Variants in IMMP2L observed in about 807,000 individuals in gnomAD.
IMMP2L encodes the protein inner mitochondrial membrane peptidase subunit 2.
A neutral mutation model predicts 19.3 loss-of-function variants in IMMP2L; 18 were observed. That is an observed-to-expected ratio of 0.93 (90% CI 0.64 to 1.38). The LOEUF (loss-of-function observed/expected upper bound fraction) is 1.38, where lower values mean the gene tolerates loss of function less well. IMMP2L is among the 40% of genes most tolerant of loss of function. IMMP2L has a pLI of 0.00. For synonymous variants in IMMP2L, 76 were observed against 73.0 expected (o/e 1.04, Z -0.21); for missense variants, 233 against 218.2 (o/e 1.07, Z -0.43).
intron 2 of IMMP2L, among the ~76,000 whole-genome samples, chr7:111,504,654 C>G (rs1167620843): frequency 1.3e-5 from 2 of 152,084 alleles, no homozygotes; most frequent in Non-Finnish European, 2.9e-5. Flanking sequence ...ACAGAGCCCT[C>G]AGAAATAATG....
chr7:111,005,176 G>A (rs1824160412), intron 3 of IMMP2L, among the ~76,000 whole-genome samples: 1 of 152,122 alleles, frequency 6.6e-6, no homozygotes, highest in African/African-American at 2.4e-5. Context: ...TTCCAAGATG[G>A]TGGTTCGATT....
At chr7:111,351,692 A>G (rs1828178993) in intron 3 of IMMP2L, among the ~76,000 whole-genome samples, 2 of 152,230 alleles carry the variant, frequency 1.3e-5, no homozygotes, top group Admixed American at 1.3e-4. Flanking sequence ...TCCAAAAACA[A>G]AAGGCACCCA....
intron 4 of IMMP2L, among the ~76,000 whole-genome samples, chr7:110,923,028 G>A (rs993006156): frequency 1.2e-4 from 19 of 152,250 alleles, no homozygotes; most frequent in Non-Finnish European, 2.1e-4. Context: ...TATGGCAGTT[G>A]CTGTGGTGAT....
At chr7:110,753,811 G>A (rs1008333285) in intron 5 of IMMP2L, among the ~76,000 whole-genome samples, 4 of 151,212 alleles carry the variant, frequency 2.6e-5, no homozygotes, top group Admixed American at 1.3e-4. Context: ...GACAAAATAG[G>A]GCGGGAATAT....
intron 4 of IMMP2L, among the ~76,000 whole-genome samples, chr7:110,907,706 A>G (rs1054204699): frequency 2.0e-5 from 3 of 152,224 alleles, no homozygotes; most frequent in Non-Finnish European, 2.9e-5. Flanking sequence ...GAGTTCATAT[A>G]TAAAAAATAC....
chr7:111,501,623 T>G (rs1363443345), intron 2 of IMMP2L, among the ~76,000 whole-genome samples: 4 of 152,146 alleles, frequency 2.6e-5, no homozygotes, highest in African/African-American at 9.7e-5. Flanking sequence ...ACAGCGGATC[T>G]CTCAGCAGAA....
At chr7:111,135,390 T>G (rs1802234971) in intron 3 of IMMP2L, among the ~76,000 whole-genome samples, 1 of 152,128 alleles carries the variant, frequency 6.6e-6, no homozygotes, top group Non-Finnish European at 1.5e-5. Context: ...TAAAAATATT[T>G]TCAGACAAAT....
chr7:111,385,602 C>T (rs1269052200), intron 3 of IMMP2L, among the ~76,000 whole-genome samples: 1 of 152,022 alleles, frequency 6.6e-6, no homozygotes, highest in African/African-American at 2.4e-5. Flanking sequence ...CTTTTTATTG[C>T]TGTTTTTAAA....
chr7:111,001,403 C>G (rs1049244412), intron 3 of IMMP2L, among the ~76,000 whole-genome samples: 1 of 151,830 alleles, frequency 6.6e-6, no homozygotes, highest in African/African-American at 2.4e-5. Context: ...GAAAGTGTGA[C>G]AAAAACAAAA....
At chr7:111,402,785 T>C (rs558786145) in intron 3 of IMMP2L, among the ~76,000 whole-genome samples, 11 of 152,144 alleles carry the variant, frequency 7.2e-5, no homozygotes, top group Non-Finnish European at 7.4e-5. Flanking sequence ...TTCAAGAATC[T>C]GCATATCTGT....
chr7:111,123,750 C>T lies in IMMP2L; in HGVS notation c.240-160185G>A. The T allele has an allele frequency of 6.2e-7, 1 of 1,613,860 alleles. No individual in the cohort carries two copies. Among genetic ancestry groups the T allele is most frequent in the Non-Finnish European group, 8.5e-7 (1 of 1,179,926 alleles). On this transcript the variant is annotated intron_variant, in intron 3 of 5. Transcript: ENST00000405709. The surrounding 1 kb of genome is among the most constrained non-coding windows in gnomAD (Gnocchi z 6.4). Reference sequence around the variant, plus strand: ...ACAACCCTAGATTGTCTTACATTCACCCCAATGCATTTTTCAGACTCCCCA... The same window carrying T: ...ACAACCCTAGATTGTCTTACATTCATCCCAATGCATTTTTCAGACTCCCCA...
chr7:111,369,858 A>G (rs1830108210), intron 3 of IMMP2L, among the ~76,000 whole-genome samples: 1 of 151,862 alleles, frequency 6.6e-6, no homozygotes, highest in South Asian at 2.1e-4. Context: ...CATGGCAGTC[A>G]TTATGCTAAA....
At chr7:111,092,003 A>G (rs1486058865) in intron 3 of IMMP2L, among the ~76,000 whole-genome samples, 4 of 152,188 alleles carry the variant, frequency 2.6e-5, no homozygotes, top group South Asian at 2.1e-4. Context: ...CAAATGGGGC[A>G]TTTTTATTTT....
chr7:110,978,851 CA>C (rs1820962786), intron 3 of IMMP2L, among the ~76,000 whole-genome samples: 1 of 151,880 alleles, frequency 6.6e-6, no homozygotes, highest in African/African-American at 2.4e-5. Context: ...AGTTGTATAC[CA>C]AAAACACGAA....
intron 3 of IMMP2L, among the ~76,000 whole-genome samples, chr7:111,017,411 A>G (rs1172634444): frequency 6.6e-6 from 1 of 152,014 alleles, no homozygotes; most frequent in African/African-American, 2.4e-5. Flanking sequence ...AGTAATGTCA[A>G]AAGTCTAGGA....
intron 1 of IMMP2L, among the ~76,000 whole-genome samples, chr7:111,521,665 G>A (rs1031243982): frequency 3.9e-5 from 6 of 152,080 alleles, no homozygotes; most frequent in African/African-American, 1.4e-4. Context: ...CACAACTCAA[G>A]TCCACTTGCT....
At chr7:111,447,765 G>T (rs953002010) in intron 3 of IMMP2L, among the ~76,000 whole-genome samples, 3 of 151,664 alleles carry the variant, frequency 2.0e-5, no homozygotes, top group African/African-American at 7.3e-5. Context: ...AGACTGGCAA[G>T]TTGGATAAAG....
chr7:110,829,738 C>G (rs1471920623), intron 5 of IMMP2L, among the ~76,000 whole-genome samples: 8 of 152,110 alleles, frequency 5.3e-5, no homozygotes, highest in Admixed American at 5.2e-4. Context: ...AGTTTTAGAA[C>G]TTGAAATCCT....
chr7:111,044,899 A>C (rs1792248123), intron 3 of IMMP2L, among the ~76,000 whole-genome samples: 1 of 152,328 alleles, frequency 6.6e-6, no homozygotes, highest in South Asian at 2.1e-4. Flanking sequence ...ATTTATGTTT[A>C]TTTATAATTT....
Sources: allele counts gnomAD v4.1 joint callset (sites outside exome capture counted in the v4.1 genomes callset), GRCh38; gene constraint gnomAD v4.1.1; non-coding constraint Gnocchi (gnomAD v3.1); transcripts MANE v1.5; gene names NCBI Gene and HGNC (gene_info 2026-07-23, HGNC 2026-07-21).